Variants in UNC13C observed in about 807,000 individuals in gnomAD.
The protein encoded by UNC13C is protein unc-13 homolog C.
A neutral mutation model predicts 245.4 loss-of-function variants in UNC13C; 174 were observed. The observed-to-expected ratio is 0.71, with a 90% CI of 0.63 to 0.80. The LOEUF (loss-of-function observed/expected upper bound fraction) is 0.80. UNC13C is among the 30% of genes least tolerant of loss of function. The pLI, the probability that UNC13C is intolerant of heterozygous loss-of-function variation, is 0.00. For missense variants in UNC13C, 2,829 were observed against 2,602.9 expected, an observed-to-expected ratio of 1.09 and a Z score of -1.89; for synonymous variants, 992 against 895.1, an observed-to-expected ratio of 1.11 and a Z score of -1.93.
rs2039094386 is a variant in UNC13C, at chr15:54,356,349, A to G, written c.4713+17860A>G. On this transcript the variant is annotated intron_variant, in intron 17 of 32. Transcript: ENST00000260323. ...TTATTAATTTTCAGTCCCTCCGGCA[A>G]TCTCTAAAAGTGTTTTTTTTTTCCA... is the stretch of plus-strand genomic sequence containing the variant. Among the ~76,000 whole-genome samples, 4 of 152,066 alleles carry G rather than the reference A, an allele frequency of 2.6e-5. No homozygotes were observed. The South Asian group carries it at 8.3e-4, about 31-fold the overall frequency.
chr15:54,467,367 A>T (rs1892232931), intron 19 of UNC13C, among the ~76,000 whole-genome samples: 1 of 151,772 alleles, frequency 6.6e-6, no homozygotes, highest in Non-Finnish European at 1.5e-5. Flanking sequence ...ACTTGAGTGT[A>T]ACTAGAGGAC....
intron 4 of UNC13C, among the ~76,000 whole-genome samples, chr15:54,173,804 G>A (rs1160843080): frequency 6.6e-6 from 1 of 152,122 alleles, no homozygotes; most frequent in South Asian, 2.1e-4. Flanking sequence ...TTAAGCAGAA[G>A]CATTCAGGCT....
At position 54,627,179 on chromosome 15, in the gene UNC13C, T is replaced by C; in HGVS notation, c.*66T>C. The C allele has an allele frequency of 6.9e-7, 1 of 1,456,412 alleles. No homozygotes were observed. 90.2% of individuals were successfully genotyped at this position (1,456,412 alleles called of 1,614,324 possible). A position where few individuals can be genotyped will look rare whatever the true frequency, so the allele number is the denominator to read the frequency against. Reference sequence around the variant, plus strand: ...ACTACTGCATGCATGTGCAAATACATGGGAATGTTTAGTTCACTACATTTC... The same window carrying C: ...ACTACTGCATGCATGTGCAAATACACGGGAATGTTTAGTTCACTACATTTC... On this transcript the variant is annotated 3_prime_UTR_variant, in exon 33 of 33. Coordinates refer to ENST00000260323, the MANE Select transcript of UNC13C (RefSeq NM_001080534.3).
At chr15:54,305,744 C>T (rs1416638906) in intron 13 of UNC13C, among the ~76,000 whole-genome samples, 1 of 151,906 alleles carries the variant, frequency 6.6e-6, no homozygotes, top group Non-Finnish European at 1.5e-5. Flanking sequence ...AACTCAGCTA[C>T]AAAGAAGAAA....
intron 29 of UNC13C, among the ~76,000 whole-genome samples, chr15:54,566,573 G>A (rs1897524836): frequency 6.6e-6 from 1 of 151,872 alleles, no homozygotes; most frequent in South Asian, 2.1e-4. Flanking sequence ...TCTGCCTGGG[G>A]AGGGTATCTA....
intron 11 of UNC13C, among the ~76,000 whole-genome samples, chr15:54,296,244 A>G (rs972447889): frequency 1.3e-5 from 2 of 151,968 alleles, no homozygotes; most frequent in Admixed American, 6.6e-5. Context: ...TCTATCCCCC[A>G]GGCTGGAGGG....
intron 2 of UNC13C, among the ~76,000 whole-genome samples, chr15:54,051,636 C>CTT (rs1555408142): frequency 6.6e-6 from 1 of 150,926 alleles, no homozygotes; most frequent in African/African-American, 2.5e-5. Flanking sequence ...GTTATACAGA[C>CTT]TTTATTTATT....
intron 2 of UNC13C, among the ~76,000 whole-genome samples, chr15:54,068,954 A>G (rs1898195675): frequency 6.6e-6 from 1 of 152,208 alleles, no homozygotes; most frequent in Non-Finnish European, 1.5e-5. Flanking sequence ...CAAGATAAGT[A>G]GTAAGTCATA....
At chr15:53,963,401 C>A in the UNC13C span, among the ~76,000 whole-genome samples, 1 of 152,110 alleles carries the variant, frequency 6.6e-6, no homozygotes, top group Non-Finnish European at 1.5e-5. Flanking sequence ...TGGGTTTGAA[C>A]CCTTGGAAGT....
chr15:54,393,443 C>G (rs1474185966), intron 18 of UNC13C, among the ~76,000 whole-genome samples: 2 of 151,550 alleles, frequency 1.3e-5, no homozygotes, highest in African/African-American at 4.8e-5. Flanking sequence ...AAAACTTTTC[C>G]TCCACATCCT....
intron 4 of UNC13C, among the ~76,000 whole-genome samples, chr15:54,225,592 T>A (rs2035358413): frequency 6.6e-6 from 1 of 152,210 alleles, no homozygotes; most frequent in South Asian, 2.1e-4. Context: ...AGTTCACTCA[T>A]GAATTGGTTC....
At chr15:54,256,313 G>A (rs939896462) in intron 8 of UNC13C, among the ~76,000 whole-genome samples, 1 of 152,132 alleles carries the variant, frequency 6.6e-6, no homozygotes, top group African/African-American at 2.4e-5. Context: ...ACTCTGGATG[G>A]GGTGTTATGT....
intron 30 of UNC13C, among the ~76,000 whole-genome samples, chr15:54,570,891 T>C (rs1193385008): frequency 1.3e-5 from 2 of 152,220 alleles, no homozygotes; most frequent in East Asian, 3.8e-4. Flanking sequence ...CCAAGATCCC[T>C]TAAGTGACAG....
At chr15:54,418,409 C>A (rs113383985) in intron 19 of UNC13C, among the ~76,000 whole-genome samples, 1 of 152,084 alleles carries the variant, frequency 6.6e-6, no homozygotes, top group South Asian at 2.1e-4. Context: ...GGAGAATAGA[C>A]GTTGAGAAGC....
intron 19 of UNC13C, among the ~76,000 whole-genome samples, chr15:54,476,643 G>T (rs895466905): frequency 6.6e-6 from 1 of 151,686 alleles, no homozygotes; most frequent in Non-Finnish European, 1.5e-5. Context: ...GTTTCTGAGG[G>T]CTCTGTTCTG....
the UNC13C span, among the ~76,000 whole-genome samples, chr15:53,896,100 T>G: frequency 6.6e-6 from 1 of 152,024 alleles, no homozygotes; most frequent in Admixed American, 6.6e-5. Flanking sequence ...AAGTCAACTT[T>G]AATTGCCAAT....
chr15:54,319,655 C>T (rs1489451408), intron 13 of UNC13C, among the ~76,000 whole-genome samples: 1 of 149,338 alleles, frequency 6.7e-6, no homozygotes, highest in Non-Finnish European at 1.5e-5. Flanking sequence ...TCAGGACCAT[C>T]ATTTATTTTT....
At chr15:54,280,684 A>G (rs1460701550) in intron 10 of UNC13C, among the ~76,000 whole-genome samples, 3 of 87,744 alleles carry the variant, frequency 3.4e-5, no homozygotes, top group African/African-American at 2.3e-4. Context: ...ACATATATAC[A>G]TATATAAACA....
At chr15:53,920,215 C>T in the UNC13C span, among the ~76,000 whole-genome samples, 1 of 152,084 alleles carries the variant, frequency 6.6e-6, no homozygotes, top group Non-Finnish European at 1.5e-5. Flanking sequence ...AACGCTACAG[C>T]ATATAACTTC....
Sources: allele counts gnomAD v4.1 joint callset (sites outside exome capture counted in the v4.1 genomes callset), GRCh38; gene constraint gnomAD v4.1.1; transcripts MANE v1.5; gene names NCBI Gene and HGNC (gene_info 2026-07-23, HGNC 2026-07-21).